The following GUCY2F variants were observed in gnomAD, a reference collection of about 807,000 sequenced individuals.
GUCY2F encodes guanylate cyclase 2F, retinal.
Under a neutral mutation model 73.1 loss-of-function variants are expected in GUCY2F, and 61 were observed. That is an observed-to-expected ratio of 0.83 (90% CI 0.68 to 1.03). GUCY2F has a LOEUF of 1.03. GUCY2F is among the 50% of genes least tolerant of loss of function. GUCY2F has a pLI of 0.00. For synonymous variants in GUCY2F, 331 were observed against 307.8 expected, an observed-to-expected ratio of 1.08 and a Z score of -0.79; for missense variants, 912 against 854.3, an observed-to-expected ratio of 1.07 and a Z score of -0.84.
At chrX:109,457,893 T>C (rs868678685) in intron 3 of GUCY2F, among the ~76,000 whole-genome samples, 3 of 112,081 alleles carry the variant, frequency 2.7e-5, no homozygotes, top group Middle Eastern at 4.6e-3. Context: ...TTGTGGCCAA[T>C]AGAATTTAAC....
chrX:109,377,162 C>T lies in GUCY2F; in HGVS notation c.3151-995G>A, dbSNP rs147688796. Among the ~76,000 whole-genome samples the T allele has an allele frequency of 4.9e-3, 545 of 111,544 alleles. 1 individual carries two copies. Among genetic ancestry groups the T allele is most frequent in the African/African-American group, 0.017 (511 of 30,686 alleles). The stretch of plus-strand genomic sequence containing the variant: ...ATGACAAAAACCATAATAATTAGCA[C>T]ATTTAATTGGAGAATCTCAAAGCAT... On this transcript the variant is annotated intron_variant, in intron 17 of 19. Transcript: ENST00000218006.
Position 109,392,873 on chromosome X carries a change from C to T in GUCY2F, c.2588+19G>A. ...CACACTGTTATAAGGATTCACACTCCTCAGGTGTTCTCACATACGGTGGTA... is the reference window on the plus strand; with the variant it reads ...CACACTGTTATAAGGATTCACACTCTTCAGGTGTTCTCACATACGGTGGTA... On this transcript the variant is annotated intron_variant, in intron 13 of 19. Coordinates refer to ENST00000218006, the MANE Select transcript of GUCY2F (RefSeq NM_001522.3). The T allele has an allele frequency of 1.9e-6, 2 of 1,056,949 alleles. No individual in the cohort carries two copies. The highest frequency in any genetic ancestry group is 1.9e-5 in the South Asian group (1 of 52,594). The allele number at this position is 1,056,949 out of a possible 1,213,427, so 87.1% of individuals were successfully genotyped here. A position where few individuals can be genotyped will look rare whatever the true frequency, so the allele number is the denominator to read the frequency against.
At chrX:109,374,529 C>G (rs959840836) in intron 19 of GUCY2F, among the ~76,000 whole-genome samples, 1 of 111,973 alleles carries the variant, frequency 8.9e-6, no homozygotes, top group Non-Finnish European at 1.9e-5. Flanking sequence ...CCAACACATT[C>G]TTAGGAATGG....
At chrX:109,414,065 G>A (rs186369287) in intron 8 of GUCY2F, among the ~76,000 whole-genome samples, 107 of 110,496 alleles carry the variant, frequency 9.7e-4, no homozygotes, top group African/African-American at 3.4e-3. Context: ...ATTCTCGTGC[G>A]AATCTCCTCC....
intron 8 of GUCY2F, among the ~76,000 whole-genome samples, chrX:109,416,659 A>G (rs1367987677): frequency 9.0e-6 from 1 of 111,029 alleles, no homozygotes; most frequent in East Asian, 2.8e-4. Context: ...TTAAAATTCT[A>G]AGGAGCTCAT....
Position 109,465,442 on chromosome X carries a change from T to G in GUCY2F, c.732A>C (p.Ile244=). The G allele has an allele frequency of 8.4e-7, 1 of 1,184,185 alleles. No individual in the cohort carries two copies. Among genetic ancestry groups the G allele is most frequent in the Non-Finnish European group, 1.1e-6 (1 of 875,812 alleles). Residue 244 remains isoleucine, a splice_region_variant and synonymous_variant, in exon 3 of 20, where the codon ATA becomes ATC. Transcript: ENST00000218006. ...AAGCTGAATGCATACACATGATGAT[T>G]ACTGAAACCAACAAAGCAAGGAGGT... ...QRIHQADRIR[I]IIMCMHSALI...
In GUCY2F at chrX:109,465,346, G is replaced by A. The variant is rs1303471460; in HGVS notation, c.828C>T (p.Tyr276=). 3 of 1,195,929 alleles carry A rather than the reference G, an allele frequency of 2.5e-6. No individual in the cohort carries two copies. The highest frequency in any genetic ancestry group is 2.2e-5 in the Admixed American group (1 of 45,668). The change falls in exon 3 of 20, where the codon TAC becomes TAT. Residue 276 remains tyrosine (Y), a synonymous_variant. Transcript: ENST00000218006. The part of the protein sequence containing the change: ...AHDLKMTDGT[Y]VFVPYDALLY... ...GCAGGGCATCATAAGGAACAAAGAC[G>A]TAGGTTCCATCAGTCATTTTCAGAT...
chrX:109,420,176 C>G (rs1293078643), intron 8 of GUCY2F, among the ~76,000 whole-genome samples: 1 of 100,578 alleles, frequency 9.9e-6, no homozygotes, highest in African/African-American at 3.6e-5. Flanking sequence ...GGATCATAGG[C>G]CTAAACCCAG....
chrX:109,404,395 C>T lies in GUCY2F; in HGVS notation c.2058G>A (p.Val686=), dbSNP rs932305211. 3 of 1,186,718 alleles carry T rather than the reference C, an allele frequency of 2.5e-6. No individual in the cohort carries two copies. Among genetic ancestry groups the T allele is most frequent in the African/African-American group, 3.5e-5 (2 of 56,942 alleles). ...AGATGTCGTTAAAGCCATAATCTGT[C>T]ACTTTTAGTACAAAACGCCCATCTA... ...CVVDGRFVLK[V]TDYGFNDILE... is the part of the protein sequence containing the mutation. The change falls in exon 10 of 20, where the codon GTG becomes GTA. Residue 686 remains valine (V), a synonymous_variant. Coordinates refer to ENST00000218006, the MANE Select transcript of GUCY2F (RefSeq NM_001522.3).
chrX:109,417,040 G>T (rs750521237), intron 8 of GUCY2F, among the ~76,000 whole-genome samples: 3 of 107,318 alleles, frequency 2.8e-5, no homozygotes, highest in African/African-American at 1.0e-4. Flanking sequence ...CAAAATCAAA[G>T]ACATTATCAA....
Position 109,385,237 on chromosome X carries a change from C to A in GUCY2F, c.3002G>T (p.Cys1001Phe). Residue 1001 changes from cysteine to phenylalanine, a missense_variant, in exon 16 of 20, where the codon TGC becomes TTC. Physicochemically the swap from Cys to Phe is radical, Grantham distance 205 (BLOSUM62 -2). Coordinates refer to ENST00000218006, the MANE Select transcript of GUCY2F (RefSeq NM_001522.3). ...TGTGTTCACAGTGTCTCCAAACAAG[C>A]AGTATCTGGGCATGGTGAGGCCCAC... ...GVVGLTMPRY[C>F]LFGDTVNTAS... The A allele has an allele frequency of 8.4e-7, 1 of 1,197,148 alleles. No homozygotes were observed. The highest frequency in any genetic ancestry group is 1.8e-5 in the South Asian group (1 of 56,199).
intron 5 of GUCY2F, 22 bp from the exon 6 acceptor site, chrX:109,448,187 A>C: frequency 1.3e-6 from 1 of 783,449 alleles, no homozygotes; most frequent in East Asian, 3.2e-5. Context: ...ATGAAATCAG[A>C]GGGTCACAAG....
chrX:109,418,025 T>C (rs1931286347), intron 8 of GUCY2F, among the ~76,000 whole-genome samples: 1 of 111,477 alleles, frequency 9.0e-6, no homozygotes, highest in Admixed American at 9.5e-5. Flanking sequence ...ACCATCTCTG[T>C]GTTCAGTGAC....
chrX:109,411,866 G>C (rs186727581), intron 8 of GUCY2F, among the ~76,000 whole-genome samples: 16 of 112,037 alleles, frequency 1.4e-4, no homozygotes, highest in African/African-American at 5.2e-4. Context: ...ATCAACATTT[G>C]AAGAGCGGGA....
At chrX:109,395,604 G>A in intron 11 of GUCY2F, 115 bp from the exon 12 acceptor site, 1 of 567,829 alleles carries the variant, frequency 1.8e-6, no homozygotes, top group Admixed American at 2.8e-5. Context: ...AACACAGAAG[G>A]GCCATCTCCT....
chrX:109,386,556 G>T (rs1930440783), intron 15 of GUCY2F, among the ~76,000 whole-genome samples: 1 of 111,871 alleles, frequency 8.9e-6, no homozygotes, highest in Admixed American at 9.5e-5. Flanking sequence ...AACCACTAGA[G>T]AATTTTGAGC....
At chrX:109,448,604 T>C (rs1932075566) in intron 5 of GUCY2F, among the ~76,000 whole-genome samples, 1 of 111,902 alleles carries the variant, frequency 8.9e-6, no homozygotes. Flanking sequence ...AAAAACACAT[T>C]AGAGAAACAA....
chrX:109,377,687 C>G (rs2147248613), intron 17 of GUCY2F, among the ~76,000 whole-genome samples: 1 of 111,548 alleles, frequency 9.0e-6, no homozygotes, highest in East Asian at 2.8e-4. Context: ...TATTAAAGTT[C>G]AAACTCAAGG....
Position 109,478,534 on chromosome X carries a change from C to T in GUCY2F, c.-85-2513G>A, listed in dbSNP as rs747329728. Among the ~76,000 whole-genome samples, 17 of 112,386 alleles carry T rather than the reference C, an allele frequency of 1.5e-4. No individual in the cohort carries two copies. The East Asian group carries it at 4.8e-3, about 32-fold the overall frequency. ...ACAGGGCAAGAAAGCCGACATACTGCCTCTTCTTCCCCAAACACACTAGTT... is the reference window on the plus strand; with the variant it reads ...ACAGGGCAAGAAAGCCGACATACTGTCTCTTCTTCCCCAAACACACTAGTT... On this transcript the variant is annotated intron_variant, in intron 1 of 19. Transcript: ENST00000218006.
Sources: gnomAD v4.1 joint callset for allele counts (sites outside exome capture counted in the v4.1 genomes callset) on GRCh38, gnomAD v4.1.1 for gene constraint, MANE v1.5 for transcripts, NCBI Gene and HGNC (gene_info 2026-07-23, HGNC 2026-07-21) for gene names.